CACNA2D3: variants seen among roughly 807,000 people sequenced by gnomAD.
CACNA2D3 encodes the protein calcium voltage-gated channel auxiliary subunit alpha2delta 3, also known as voltage-dependent calcium channel subunit alpha-2/delta-3.
A neutral mutation model predicts 160.6 loss-of-function variants in CACNA2D3; 60 were observed. The observed-to-expected ratio is 0.37, with a 90% CI of 0.30 to 0.46. CACNA2D3 has a LOEUF of 0.46. Ranked by LOEUF, CACNA2D3 falls within the 20% of genes least tolerant of loss-of-function variation. CACNA2D3 has a pLI of 1.00. For synonymous variants in CACNA2D3, 558 were observed against 492.9 expected (o/e 1.13, Z -1.75); for missense variants, 1,205 against 1,365.0 (o/e 0.88, Z 1.85).
At chr3:54,125,407 A>G (rs968977389) in intron 2 of CACNA2D3, among the ~76,000 whole-genome samples, 6 of 152,198 alleles carry the variant, frequency 3.9e-5, no homozygotes, top group African/African-American at 1.4e-4. Context: ...TGCTTTTGTC[A>G]TGTTTGCAGC....
intron 11 of CACNA2D3, among the ~76,000 whole-genome samples, chr3:54,734,158 C>G (rs893985137): frequency 9.9e-5 from 15 of 152,158 alleles, no homozygotes; most frequent in Middle Eastern, 3.2e-3. Context: ...GCTGGGCAGG[C>G]TTAGCAACGG....
At chr3:54,467,600 A>G (rs766447101) in intron 4 of CACNA2D3, among the ~76,000 whole-genome samples, 1 of 152,236 alleles carries the variant, frequency 6.6e-6, no homozygotes, top group Non-Finnish European at 1.5e-5. Context: ...ATCTGGAGAC[A>G]TTATATTGAG....
intron 14 of CACNA2D3, among the ~76,000 whole-genome samples, chr3:54,822,773 TCTTTCTTTCTTTCTTTC>T (rs1559595500): frequency 1.1e-5 from 1 of 90,066 alleles, no homozygotes; most frequent in Non-Finnish European, 2.2e-5. Flanking sequence ...TTTCTTTCTT[TCTTTCTTTCTTTCTTTC>T]CTTTCTTTCT....
At chr3:54,970,808 A>G (rs984272951) in intron 29 of CACNA2D3, among the ~76,000 whole-genome samples, 41 of 151,534 alleles carry the variant, frequency 2.7e-4, no homozygotes, top group Non-Finnish European at 5.3e-4. Context: ...TGGCCTTTTC[A>G]CTTCTCCTGA....
chr3:54,626,532 C>G, intron 9 of CACNA2D3: 5 of 1,607,178 alleles, frequency 3.1e-6, no homozygotes, highest in Non-Finnish European at 4.3e-6. Context: ...AGGTGGAGAT[C>G]AAGCCCGAGA....
At chr3:54,896,939 G>A in intron 26 of CACNA2D3, 69 bp downstream of exon 26, 2 of 1,598,452 alleles carry the variant, frequency 1.3e-6, no homozygotes, top group East Asian at 2.2e-5. Context: ...TGTGCAGGGT[G>A]TTGGGGAGCT....
In CACNA2D3 at chr3:54,642,211, C is replaced by A. The variant is rs1699536539; in HGVS notation, c.1137C>A (p.Ile379=). The A allele has an allele frequency of 6.2e-7, 1 of 1,612,386 alleles. No individual in the cohort carries two copies. Among genetic ancestry groups the A allele is most frequent in the South Asian group, 1.1e-5 (1 of 90,608 alleles). ...GGGCGGTGGACACCTATGATACAAT[C>A]TTTGCAAAATACAATTGGCCAGATC... The part of the protein sequence containing the change: ...TDGAVDTYDT[I]FAKYNWPDRK... Residue 379 remains isoleucine, a synonymous_variant, in exon 11 of 38, where the codon ATC becomes ATA. Coordinates refer to ENST00000474759, the MANE Select transcript of CACNA2D3 (RefSeq NM_018398.3).
intron 3 of CACNA2D3, among the ~76,000 whole-genome samples, chr3:54,347,307 A>G (rs530380087): frequency 6.6e-6 from 1 of 152,274 alleles, no homozygotes; most frequent in Admixed American, 6.5e-5. Flanking sequence ...GCAAATTTCC[A>G]TCTCTTAACC....
intron 9 of CACNA2D3, among the ~76,000 whole-genome samples, chr3:54,585,460 C>T (rs55774228): frequency 0.28 from 42,654 of 152,076 alleles, 6,797 homozygotes; most frequent in South Asian, 0.4. Context: ...AAAAAATAAA[C>T]TGGCAGACTC....
At chr3:54,969,956 G>A in intron 29 of CACNA2D3, 112 bp downstream of exon 29, 1 of 756,860 alleles carries the variant, frequency 1.3e-6, no homozygotes, top group African/African-American at 1.8e-5. Flanking sequence ...GCATTGTACT[G>A]GGCCAATCTA....
intron 9 of CACNA2D3, among the ~76,000 whole-genome samples, chr3:54,624,526 GCA>G (rs1459043231): frequency 2.0e-5 from 3 of 152,196 alleles, no homozygotes; most frequent in African/African-American, 7.2e-5. Context: ...GGAGGCTGAG[GCA>G]GGAGAATGGC....
chr3:54,450,485 G>A (rs1450694577), intron 4 of CACNA2D3, among the ~76,000 whole-genome samples: 1 of 152,154 alleles, frequency 6.6e-6, no homozygotes, highest in African/African-American at 2.4e-5. Flanking sequence ...TGTTGGAGGT[G>A]AGGCCTAATG....
chr3:54,475,809 T>TTTTGTGTGTGTGTGTGTG (rs1553690732), intron 4 of CACNA2D3, among the ~76,000 whole-genome samples: 1 of 142,726 alleles, frequency 7.0e-6, no homozygotes, highest in Non-Finnish European at 1.5e-5. Flanking sequence ...TGGTTACCAT[T>TTTTGTGTGTGTGTGTGTG]TGTGTGTGTG....
chr3:54,717,749 GGTGTGTGCAAGCGTGTGTGTGGT>G (rs1206212023), intron 11 of CACNA2D3, among the ~76,000 whole-genome samples: 1 of 78,994 alleles, frequency 1.3e-5, no homozygotes, highest in Non-Finnish European at 2.8e-5. Flanking sequence ...TGTGTGGTGT[GGTGTGTGCAAGCGTGTGTGTGGT>G]GTGTGTGCAT....
At chr3:54,266,106 A>T (rs146012123) in intron 2 of CACNA2D3, among the ~76,000 whole-genome samples, 1 of 152,342 alleles carries the variant, frequency 6.6e-6, no homozygotes, top group East Asian at 1.9e-4. Flanking sequence ...AGGGACTTAA[A>T]TCAGTGACTT....
At position 54,473,006 on chromosome 3, in the gene CACNA2D3, T is replaced by A. The variant is rs115544905; in HGVS notation, c.382-30486T>A. On this transcript the variant is annotated intron_variant, in intron 4 of 37. Transcript: ENST00000474759. ...CTGTCCCCATCAAGCTACCGTTGAC[T>A]TTTTTCCTAGAATTAGAAAAAACTA... Among the ~76,000 whole-genome samples, 624 of 152,286 alleles carry A rather than the reference T, an allele frequency of 4.1e-3. 3 individuals carry two copies. Among genetic ancestry groups the A allele is most frequent in the African/African-American group, 0.014 (594 of 41,552 alleles).
Position 54,912,583 on chromosome 3 carries a change from C to T in CACNA2D3, c.2449+12715C>T, listed in dbSNP as rs912470264. On this transcript the variant is annotated intron_variant, in intron 27 of 37. Coordinates refer to ENST00000474759, the MANE Select transcript of CACNA2D3 (RefSeq NM_018398.3). ...CTCCAGATACCTTCACCACTGGTTC[C>T]ATCATTTCCTTCAGGTCTCTCCTCA... Among the ~76,000 whole-genome samples the T allele has an allele frequency of 2.0e-5, 3 of 152,028 alleles. No homozygotes were observed. The East Asian group carries it at 5.8e-4, about 29-fold the overall frequency.
At chr3:54,680,206 C>T (rs569527885) in intron 11 of CACNA2D3, among the ~76,000 whole-genome samples, 1 of 152,190 alleles carries the variant, frequency 6.6e-6, no homozygotes, top group South Asian at 2.1e-4. Context: ...CCAGCTATGT[C>T]CCTGGATCAA....
At chr3:54,360,753 T>C (rs1205413310) in intron 3 of CACNA2D3, among the ~76,000 whole-genome samples, 1 of 152,166 alleles carries the variant, frequency 6.6e-6, no homozygotes, top group Non-Finnish European at 1.5e-5. Flanking sequence ...TTATATATCA[T>C]TCATAATGTA....
Sources: allele counts gnomAD v4.1 joint callset (sites outside exome capture counted in the v4.1 genomes callset), GRCh38; gene constraint gnomAD v4.1.1; transcripts MANE v1.5; gene names NCBI Gene and HGNC (gene_info 2026-07-23, HGNC 2026-07-21).